The following APC variants were observed in gnomAD, a reference collection of about 807,000 sequenced individuals.
The protein encoded by APC is APC regulator of Wnt signaling pathway.
APC carries 72 observed loss-of-function variants against 247.0 expected under a neutral mutation model. That is an observed-to-expected ratio of 0.29 (90% CI 0.24 to 0.35). The LOEUF is 0.35. Among genes scored for constraint, APC ranks in the 10% least tolerant of loss-of-function variants. The pLI is 1.00. For synonymous variants in APC, 1,254 were observed against 1,162.5 expected, an observed-to-expected ratio of 1.08 and a Z score of -1.60; for missense variants, 3,400 against 3,360.7, an observed-to-expected ratio of 1.01 and a Z score of -0.29.
chr5:112,743,920 A>G (rs968266009), intron 1 of APC, among the ~76,000 whole-genome samples: 3 of 152,098 alleles, frequency 2.0e-5, no homozygotes, highest in Admixed American at 6.5e-5. Flanking sequence ...TGCGCAGGCT[A>G]GAGTAGCTTC....
chr5:112,717,238 C>T (rs1751224029), intron 1 of APC, among the ~76,000 whole-genome samples: 1 of 152,166 alleles, frequency 6.6e-6, no homozygotes. Flanking sequence ...GTCTTGAAGT[C>T]CCGGCCTCCC....
In APC at chr5:112,765,285, T is replaced by G. The variant is rs75950054; in HGVS notation, c.136-1041T>G. Among the ~76,000 whole-genome samples the G allele has an allele frequency of 1.3e-3, 195 of 152,184 alleles. 3 individuals are homozygous for G. In the East Asian group the frequency reaches 0.031, roughly 24 times the overall value. ...ACTCATGGTTTTTGTTTGTTTGTTT[T>G]TTTAATTTTGTAGGGACAGAGTCTC... On this transcript the variant is annotated intron_variant, in intron 2 of 15. Coordinates refer to ENST00000257430, the MANE Select transcript of APC (RefSeq NM_000038.6).
rs772743023 is a variant in APC at position 112,839,248 on chromosome 5, G to A, written c.3654G>A (p.Thr1218=). Residue 1218 remains threonine (T), a synonymous_variant, in exon 16 of 16, where the codon ACG becomes ACA. Coordinates refer to ENST00000257430, the MANE Select transcript of APC (RefSeq NM_000038.6). The surrounding 1 kb of genome is among the most constrained non-coding windows in gnomAD (Gnocchi z 5.0). ...ATATGTCTTCAAGCAGTGAGAATAC[G>A]TCCACACCTTCATCTAATGCCAAGA... ...TEHMSSSSEN[T]STPSSNAKRQ... 9 of 1,614,012 alleles carry A rather than the reference G, an allele frequency of 5.6e-6. No homozygotes were observed. Among genetic ancestry groups the A allele is most frequent in the African/African-American group, 2.7e-5 (2 of 74,934 alleles).
At chr5:112,713,699 G>A (rs769948852) in intron 1 of APC, among the ~76,000 whole-genome samples, 2 of 152,122 alleles carry the variant, frequency 1.3e-5, no homozygotes, top group East Asian at 1.9e-4. Flanking sequence ...AGAGAGTCTC[G>A]TTCAGTCACT....
At chr5:112,795,794 G>A (rs749074711) in intron 7 of APC, among the ~76,000 whole-genome samples, 1 of 152,136 alleles carries the variant, frequency 6.6e-6, no homozygotes, top group African/African-American at 2.4e-5. Context: ...ATATACTCAA[G>A]TGAAATCGAA....
chr5:112,778,297 C>G (rs1156259539), intron 5 of APC: 1 of 152,298 alleles, frequency 6.6e-6, no homozygotes, highest in African/African-American at 2.4e-5. Context: ...CAGCCTCTCC[C>G]TCTCCATGTC....
At chr5:112,738,734 G>A (rs1752629567) in intron 1 of APC, among the ~76,000 whole-genome samples, 1 of 152,138 alleles carries the variant, frequency 6.6e-6, no homozygotes, top group African/African-American at 2.4e-5. Context: ...AGAAGCCATA[G>A]TTTATAAATG....
At chr5:112,773,937 G>A (rs564896388) in intron 4 of APC, among the ~76,000 whole-genome samples, 15 of 152,132 alleles carry the variant, frequency 9.9e-5, no homozygotes, top group Non-Finnish European at 1.5e-4. Flanking sequence ...ACATGAAAAA[G>A]CAAAAAGTTG....
chr5:112,787,270 T>C (rs1340588961), intron 6 of APC, among the ~76,000 whole-genome samples: 1 of 152,230 alleles, frequency 6.6e-6, no homozygotes, highest in Non-Finnish European at 1.5e-5. Flanking sequence ...TAAAACTTAA[T>C]TTATAAAAAC....
intron 1 of APC, among the ~76,000 whole-genome samples, chr5:112,743,894 G>T (rs1387893212): frequency 6.6e-6 from 1 of 151,968 alleles, no homozygotes; most frequent in African/African-American, 2.4e-5. Flanking sequence ...TTGTTTGTTG[G>T]TTTTTTTCCC....
At position 112,707,533 on chromosome 5, in the gene APC, A is replaced by G. The variant is rs1433000483; in HGVS notation, c.-185A>G. The G allele has an allele frequency of 4.1e-6, 2 of 491,660 alleles. No homozygotes were observed. Among genetic ancestry groups the G allele is most frequent in the East Asian group, 8.0e-5 (2 of 24,874 alleles). The allele number at this position is 491,660 out of a possible 1,614,324, so 30.5% of individuals were successfully genotyped here. Reference sequence around the variant, plus strand: ...CTTCCCACCTCCCACAAGATGGCGGAGGGCAAGTAGCAAGGGGGCGGGGTG... The same window carrying G: ...CTTCCCACCTCCCACAAGATGGCGGGGGGCAAGTAGCAAGGGGGCGGGGTG... On this transcript the variant is annotated 5_prime_UTR_variant, in exon 1 of 14. Coordinates refer to the APC transcript ENST00000507379.
chr5:112,712,098 T>TA (rs1750886226), intron 1 of APC, among the ~76,000 whole-genome samples: 1 of 152,200 alleles, frequency 6.6e-6, no homozygotes, highest in African/African-American at 2.4e-5. Flanking sequence ...GAGTGAATCT[T>TA]ACCTGAAAAT....
chr5:112,824,100 A>G (rs964839679), intron 11 of APC, among the ~76,000 whole-genome samples: 1 of 152,228 alleles, frequency 6.6e-6, no homozygotes, highest in African/African-American at 2.4e-5. Context: ...AAGAGTCTAA[A>G]TTAAGGATTC....
rs137945063 is a variant in APC, at chr5:112,825,430, C to A, written c.1409-1678C>A. ...AAGTCTTATGTGATCCGGCATCTACCCATGTTTATAGCCTCATTTTGTGGC... is the reference window on the plus strand; with the variant it reads ...AAGTCTTATGTGATCCGGCATCTACACATGTTTATAGCCTCATTTTGTGGC... On this transcript the variant is annotated intron_variant, in intron 11 of 15. Transcript: ENST00000257430. Among the ~76,000 whole-genome samples, 45 of 152,292 alleles carry A rather than the reference C, an allele frequency of 3.0e-4. No homozygotes were observed. The East Asian group carries it at 8.1e-3, about 27-fold the overall frequency.
intron 6 of APC, among the ~76,000 whole-genome samples, chr5:112,791,498 G>A (rs149771637): frequency 4.9e-4 from 75 of 152,194 alleles, no homozygotes; most frequent in Middle Eastern, 3.4e-3. Flanking sequence ...GCATGAACCC[G>A]CTTGTGAACT....
chr5:112,794,114 C>G (rs575951669), intron 7 of APC, among the ~76,000 whole-genome samples: 19 of 151,694 alleles, frequency 1.3e-4, no homozygotes, highest in Admixed American at 9.2e-4. Context: ...AAGTAAGTCT[C>G]TTTAAAAAGT....
At chr5:112,745,341 A>G (rs11948681) in intron 1 of APC, among the ~76,000 whole-genome samples, 6,139 of 152,102 alleles carry the variant, frequency 0.04, 375 homozygotes, top group African/African-American at 0.14. Context: ...AGATCTTTGA[A>G]GTATCCCCTA....
At chr5:112,786,886 C>CTTTTTTTTTT (rs1171592849) in intron 6 of APC, among the ~76,000 whole-genome samples, 3 of 118,124 alleles carry the variant, frequency 2.5e-5, no homozygotes, top group East Asian at 2.8e-4. Context: ...TTTTCTTTTT[C>CTTTTTTTTTT]TTTTTTTTTT....
chr5:112,835,607 C>T (rs527253849), intron 15 of APC, among the ~76,000 whole-genome samples: 131 of 146,158 alleles, frequency 9.0e-4, no homozygotes, highest in Non-Finnish European at 1.7e-3. Context: ...GGGTCTCACT[C>T]TGTCTCCCAG....
Sources: allele counts gnomAD v4.1 joint callset (sites outside exome capture counted in the v4.1 genomes callset), GRCh38; gene constraint gnomAD v4.1.1; non-coding constraint Gnocchi (gnomAD v3.1); transcripts MANE v1.5; gene names NCBI Gene and HGNC (gene_info 2026-07-23, HGNC 2026-07-21).